FHIT: variants seen among roughly 807,000 people sequenced by gnomAD.
FHIT encodes the protein bis(5'-adenosyl)-triphosphatase.
Under a neutral mutation model 17.9 loss-of-function variants are expected in FHIT, and 19 were observed. That is an observed-to-expected ratio of 1.06 (90% confidence interval 0.74 to 1.56). The LOEUF (loss-of-function observed/expected upper bound fraction) is 1.56, where lower values mean the gene tolerates loss of function less well. FHIT is among the 40% of genes most tolerant of loss of function. The pLI is 0.00. For synonymous variants in FHIT, 81 were observed against 69.7 expected (o/e 1.16, Z -0.81); for missense variants, 248 against 189.2 (o/e 1.31, Z -1.82).
chr3:60,806,943 A>T (rs1701414223), intron 4 of FHIT, among the ~76,000 whole-genome samples: 1 of 152,236 alleles, frequency 6.6e-6, no homozygotes, highest in Non-Finnish European at 1.5e-5. Context: ...TAAAGCTTCT[A>T]GCCAGTTGAC....
intron 5 of FHIT, among the ~76,000 whole-genome samples, chr3:60,284,625 C>G (rs916528222): frequency 6.6e-6 from 1 of 152,052 alleles, no homozygotes; most frequent in Non-Finnish European, 1.5e-5. Context: ...AATTTACACC[C>G]ATTGTTTCTG....
intron 7 of FHIT, among the ~76,000 whole-genome samples, chr3:59,974,704 A>T (rs1449888439): frequency 1.3e-5 from 2 of 152,082 alleles, no homozygotes; most frequent in Non-Finnish European, 2.9e-5. Flanking sequence ...AAGCCCAATA[A>T]ATGTTAAATC....
chr3:61,070,003 C>T (rs2034748375), intron 2 of FHIT, among the ~76,000 whole-genome samples: 1 of 152,156 alleles, frequency 6.6e-6, no homozygotes, highest in East Asian at 1.9e-4. Context: ...TCTCCGCCTG[C>T]AGGTTCAGCT....
At chr3:59,890,494 G>A (rs898136376) in intron 8 of FHIT, among the ~76,000 whole-genome samples, 3 of 152,118 alleles carry the variant, frequency 2.0e-5, no homozygotes, top group Non-Finnish European at 2.9e-5. Context: ...TGCTGCCTCG[G>A]TTCATTTCCT....
intron 7 of FHIT, 71 bp downstream of exon 7, chr3:60,011,300 A>G: frequency 1.4e-6 from 2 of 1,409,366 alleles, no homozygotes; most frequent in South Asian, 2.3e-5. Context: ...GCTGCATATG[A>G]CTCGTTGTGA....
rs59950717 is a variant in FHIT, at chr3:60,890,221, T to TAAA, written c.-110-68213_-110-68211dup. On this transcript the variant is annotated intron_variant, in intron 3 of 9. Coordinates refer to ENST00000492590, the MANE Select transcript of FHIT (RefSeq NM_002012.4). Reference sequence around the variant, plus strand: ...TTCCAAAAAATTAGCTTCCATGATGTAAAAAAAAAAAAAAAAAAAAAAAAA... The same window carrying TAAA: ...TTCCAAAAAATTAGCTTCCATGATGTAAAAAAAAAAAAAAAAAAAAAAAAAAAA... Among the ~76,000 whole-genome samples, 285 of 115,604 alleles carry TAAA rather than the reference T, an allele frequency of 2.5e-3. 2 individuals carry two copies. Among genetic ancestry groups the TAAA allele is most frequent in the African/African-American group, 0.01 (270 of 26,380 alleles). 75.8% of individuals were successfully genotyped at this position (115,604 alleles called of 152,430 possible).
chr3:60,962,250 G>A (rs1168133767), intron 3 of FHIT, among the ~76,000 whole-genome samples: 1 of 152,172 alleles, frequency 6.6e-6, no homozygotes, highest in Non-Finnish European at 1.5e-5. Flanking sequence ...TGGTGTATAA[G>A]AATGCTTGTG....
chr3:59,976,569 G>C (rs890818235), intron 7 of FHIT, among the ~76,000 whole-genome samples: 3 of 151,966 alleles, frequency 2.0e-5, no homozygotes, highest in African/African-American at 7.2e-5. Flanking sequence ...AAAGAAAAAG[G>C]GGTGAAATTC....
At chr3:60,700,911 G>T (rs2041230395) in intron 4 of FHIT, among the ~76,000 whole-genome samples, 2 of 151,858 alleles carry the variant, frequency 1.3e-5, no homozygotes, top group African/African-American at 2.4e-5. Flanking sequence ...CTCAAATATG[G>T]TATATAACTG....
intron 5 of FHIT, among the ~76,000 whole-genome samples, chr3:60,173,653 G>A (rs750675547): frequency 2.0e-5 from 3 of 151,592 alleles, no homozygotes; most frequent in Non-Finnish European, 2.9e-5. Context: ...AGCATGAAAT[G>A]GTGGATGTTT....
At chr3:61,182,969 A>G (rs2038388846) in intron 2 of FHIT, among the ~76,000 whole-genome samples, 1 of 152,218 alleles carries the variant, frequency 6.6e-6, no homozygotes, top group Non-Finnish European at 1.5e-5. Context: ...CAAAGAAATC[A>G]CATGCTGTTA....
intron 5 of FHIT, among the ~76,000 whole-genome samples, chr3:60,479,861 C>T (rs2033525895): frequency 6.6e-6 from 1 of 152,128 alleles, no homozygotes; most frequent in Non-Finnish European, 1.5e-5. Context: ...CCCCCATGAC[C>T]CCTGTCTGTT....
chr3:60,263,984 T>C (rs574239718), intron 5 of FHIT, among the ~76,000 whole-genome samples: 1 of 152,050 alleles, frequency 6.6e-6, no homozygotes, highest in East Asian at 1.9e-4. Context: ...TTAAATATTT[T>C]TCCTTTGAAT....
intron 5 of FHIT, among the ~76,000 whole-genome samples, chr3:60,296,305 C>T (rs1708205727): frequency 3.9e-5 from 6 of 152,072 alleles, no homozygotes; most frequent in Admixed American, 3.9e-4. Context: ...TAAAAATCAA[C>T]ACGAAAGGAA....
At chr3:59,966,180 C>T (rs538905118) in intron 7 of FHIT, among the ~76,000 whole-genome samples, 2 of 152,272 alleles carry the variant, frequency 1.3e-5, no homozygotes, top group South Asian at 4.1e-4. Context: ...AAATAAGACT[C>T]TTAGTATTCA....
At chr3:60,812,014 T>G (rs887030625) in intron 4 of FHIT, among the ~76,000 whole-genome samples, 1 of 152,104 alleles carries the variant, frequency 6.6e-6, no homozygotes, top group Non-Finnish European at 1.5e-5. Context: ...AAATCATTTA[T>G]CCCTCCAAAC....
chr3:60,982,296 G>A (rs1710530683), intron 3 of FHIT, among the ~76,000 whole-genome samples: 1 of 152,204 alleles, frequency 6.6e-6, no homozygotes, highest in South Asian at 2.1e-4. Context: ...TGCTTCCCAT[G>A]AGAAGCCTGG....
chr3:60,250,782 ACCACCT>A (rs1381681454), intron 5 of FHIT, among the ~76,000 whole-genome samples: 2 of 152,142 alleles, frequency 1.3e-5, no homozygotes, highest in Non-Finnish European at 2.9e-5. Flanking sequence ...TAAAAAAAAG[ACCACCT>A]GATTTTCAAT....
intron 5 of FHIT, among the ~76,000 whole-genome samples, chr3:60,360,197 C>T (rs1003476252): frequency 9.9e-5 from 15 of 151,778 alleles, no homozygotes; most frequent in African/African-American, 3.6e-4. Context: ...AACTATTAAA[C>T]ACTAAAAGAG....
Sources: gnomAD v4.1 joint callset for allele counts (sites outside exome capture counted in the v4.1 genomes callset) on GRCh38, gnomAD v4.1.1 for gene constraint, MANE v1.5 for transcripts, NCBI Gene and HGNC (gene_info 2026-07-23, HGNC 2026-07-21) for gene names.